The following PCDHA11 variants were observed in gnomAD, a reference collection of about 807,000 sequenced individuals.
PCDHA11 encodes protocadherin alpha-11.
In PCDHA11, 61 loss-of-function variants were observed where a neutral mutation model predicts 70.3. The observed-to-expected ratio is 0.87, with a 90% CI of 0.71 to 1.07. PCDHA11 has a LOEUF of 1.07. PCDHA11 is among the 50% of genes least tolerant of loss of function. The pLI is 0.00. For synonymous variants in PCDHA11, 633 were observed against 555.1 expected (o/e 1.14, Z -1.97); for missense variants, 1,324 against 1,237.5 (o/e 1.07, Z -1.05).
At chr5:140,995,203 T>G (rs2097669345) in intron 3 of PCDHA11, among the ~76,000 whole-genome samples, 2 of 152,180 alleles carry the variant, frequency 1.3e-5, no homozygotes, top group African/African-American at 2.4e-5. Flanking sequence ...ATTTATAAAT[T>G]AGGCACAATA....
intron 1 of PCDHA11, among the ~76,000 whole-genome samples, chr5:140,941,226 T>TCTTTCTTTCTTTCTTTCTTTCTTC (rs2092915713): frequency 1.5e-5 from 2 of 135,514 alleles, no homozygotes; most frequent in Admixed American, 7.6e-5. Flanking sequence ...TTTCTTTCTT[T>TCTTTCTTTCTTTCTTTCTTTCTTC]CTTTCTTTCT....
At chr5:140,901,599 A>G (rs1196199794) in intron 1 of PCDHA11, among the ~76,000 whole-genome samples, 2 of 152,132 alleles carry the variant, frequency 1.3e-5, no homozygotes, top group South Asian at 2.1e-4. Flanking sequence ...TTTGGTTACT[A>G]TATCTCTATG....
chr5:140,923,333 T>C lies in PCDHA11; in HGVS notation c.2391+51839T>C, dbSNP rs180734722. Among the ~76,000 whole-genome samples the C allele has an allele frequency of 8.0e-3, 1,225 of 152,228 alleles. 6 individuals are homozygous for C. The highest frequency in any genetic ancestry group is 0.019 in the African/African-American group (792 of 41,544). On this transcript the variant is annotated intron_variant, in intron 1 of 3. Coordinates refer to ENST00000398640, the MANE Select transcript of PCDHA11 (RefSeq NM_018902.5). ...CTTGGCCTAGAAGTTCAAGGACAGT[T>C]TGGGCAACATAGTGGGACCCTATCT...
At chr5:140,873,642 G>A (rs1217578025) in intron 1 of PCDHA11, among the ~76,000 whole-genome samples, 1 of 152,154 alleles carries the variant, frequency 6.6e-6, no homozygotes, top group Non-Finnish European at 1.5e-5. Flanking sequence ...GAGTATGTGA[G>A]AACTACATAA....
intron 3 of PCDHA11, among the ~76,000 whole-genome samples, chr5:140,983,123 G>A (rs781811003): frequency 2.0e-5 from 3 of 152,198 alleles, no homozygotes; most frequent in Non-Finnish European, 4.4e-5. Flanking sequence ...ACAACATTCT[G>A]CAGACTGACT....
chr5:140,968,326 C>G (rs1554230623), intron 1 of PCDHA11: 1 of 1,614,058 alleles, frequency 6.2e-7, no homozygotes, highest in Non-Finnish European at 8.5e-7. Context: ...CAGTCACCTC[C>G]TATGTCTCCA....
intron 1 of PCDHA11, among the ~76,000 whole-genome samples, chr5:140,960,167 CTTAAG>C (rs1291277794): frequency 1.3e-5 from 2 of 152,052 alleles, no homozygotes; most frequent in Non-Finnish European, 2.9e-5. Context: ...TAATACAATT[CTTAAG>C]TTAGGGGTTG....
chr5:140,962,034 C>T (rs527918306), intron 1 of PCDHA11, among the ~76,000 whole-genome samples: 1 of 152,172 alleles, frequency 6.6e-6, no homozygotes, highest in South Asian at 2.1e-4. Context: ...CAGGCACCCA[C>T]CACCATGCCT....
At chr5:140,967,972 G>A (rs781888174) in intron 1 of PCDHA11, 88 of 1,614,072 alleles carry the variant, frequency 5.5e-5, no homozygotes, top group Non-Finnish European at 7.3e-5. Flanking sequence ...AAGTGAGCCT[G>A]GGTCTGGAGG....
At chr5:140,980,284 T>C (rs1226756896) in intron 2 of PCDHA11, among the ~76,000 whole-genome samples, 6 of 152,182 alleles carry the variant, frequency 3.9e-5, no homozygotes, top group African/African-American at 1.4e-4. Flanking sequence ...TCTTGAAAAG[T>C]ACCAAAGCTA....
chr5:140,882,347 G>A (rs1554173687), intron 1 of PCDHA11: 3 of 1,614,198 alleles, frequency 1.9e-6, no homozygotes, highest in South Asian at 2.2e-5. Context: ...CTGGGAGACG[G>A]GTAGTGGCCA....
intron 1 of PCDHA11, among the ~76,000 whole-genome samples, chr5:140,875,118 A>T (rs1381092384): frequency 6.6e-6 from 1 of 152,224 alleles, no homozygotes; most frequent in African/African-American, 2.4e-5. Context: ...TATCATGTAT[A>T]TTAACTAAAC....
intron 1 of PCDHA11, among the ~76,000 whole-genome samples, chr5:140,880,362 A>G (rs1005788716): frequency 4.6e-5 from 7 of 152,236 alleles, no homozygotes; most frequent in Non-Finnish European, 1.0e-4. Context: ...ATTTAGATGA[A>G]AACCATGAGA....
At position 140,949,239 on chromosome 5, in the gene PCDHA11, C is replaced by T. The variant is rs563720988; in HGVS notation, c.2392-29710C>T. 4.0e-5 allele frequency among the ~76,000 whole-genome samples: 6 copies of T among 151,886 alleles called. No individual in the cohort carries two copies. The East Asian group carries it at 1.2e-3, about 29-fold the overall frequency. On this transcript the variant is annotated intron_variant, in intron 1 of 3. Transcript: ENST00000398640. ...TTAGACTTGTTCTGTGGCCCAGCAA[C>T]AGTCTATCTTGATGAACATATCACG...
intron 1 of PCDHA11, among the ~76,000 whole-genome samples, chr5:140,914,220 C>T (rs1210445622): frequency 6.6e-6 from 1 of 152,212 alleles, no homozygotes; most frequent in South Asian, 2.1e-4. Flanking sequence ...TCTCTTTTAG[C>T]TCTAATACTA....
intron 1 of PCDHA11, chr5:140,875,396 T>TA (rs1256359492): frequency 1.4e-6 from 2 of 1,478,102 alleles, no homozygotes; most frequent in African/African-American, 2.8e-5. Flanking sequence ...CAGAAAAGGG[T>TA]GACTGCTCAT....
chr5:140,946,631 T>TATATATATATATATATATATACAC lies in PCDHA11; in HGVS notation c.2392-32317_2392-32316insTATATATATATATATATATACACA, dbSNP rs57893927. Among the ~76,000 whole-genome samples, 100 of 131,838 alleles carry TATATATATATATATATATATACAC rather than the reference T, an allele frequency of 7.6e-4. 3 individuals carry two copies. Among genetic ancestry groups the TATATATATATATATATATATACAC allele is most frequent in the African/African-American group, 2.6e-3 (76 of 28,714 alleles). The allele number at this position is 131,838 out of a possible 152,430, so 86.5% of individuals were successfully genotyped here. A position where few individuals can be genotyped will look rare whatever the true frequency, so the allele number is the denominator to read the frequency against. On this transcript the variant is annotated intron_variant, in intron 1 of 3. Transcript: ENST00000398640. ...TGTGAAATATATATATATATATATA[T>TATATATATATATATATATATACAC]ACAATGGAATACTCATCAGCCATTA...
intron 3 of PCDHA11, among the ~76,000 whole-genome samples, chr5:140,995,650 A>T (rs1166713964): frequency 6.6e-6 from 1 of 152,182 alleles, no homozygotes; most frequent in Non-Finnish European, 1.5e-5. Context: ...GAAAAGGAGA[A>T]TCGAAAAGGG....
chr5:140,882,775 C>G, intron 1 of PCDHA11: 10 of 1,614,220 alleles, frequency 6.2e-6, no homozygotes, highest in Non-Finnish European at 8.5e-6. Flanking sequence ...CGGCATTGAC[C>G]TACCGACTGG....
Sources: allele counts gnomAD v4.1 joint callset (sites outside exome capture counted in the v4.1 genomes callset), GRCh38; gene constraint gnomAD v4.1.1; transcripts MANE v1.5; gene names NCBI Gene and HGNC (gene_info 2026-07-23, HGNC 2026-07-21).